Variants in POLR2D observed in about 807,000 individuals in gnomAD.
The protein encoded by POLR2D is DNA-directed RNA polymerase II subunit RPB4.
A neutral mutation model predicts 17.6 loss-of-function variants in POLR2D; 10 were observed. That is an observed-to-expected ratio of 0.57 (90% confidence interval 0.35 to 0.96). POLR2D has a LOEUF of 0.96. Ranked by LOEUF, POLR2D falls within the 40% of genes least tolerant of loss-of-function variation. The probability of loss-of-function intolerance (pLI) is 0.02; values close to 1 mark genes in which losing one functional copy is unlikely to be tolerated. For missense variants in POLR2D, 126 were observed against 176.4 expected, an observed-to-expected ratio of 0.71 and a Z score of 1.62; for synonymous variants, 52 against 60.2, an observed-to-expected ratio of 0.86 and a Z score of 0.63.
rs901452577 is a variant in POLR2D at position 127,843,758 on chromosome 2, G to C, written c.*4349C>G. 1 of 153,484 alleles carries C rather than the reference G, an allele frequency of 6.5e-6. No individual in the cohort carries two copies. Among genetic ancestry groups the C allele is most frequent in the African/African-American group, 2.4e-5 (1 of 41,362 alleles). The allele number at this position is 153,484 out of a possible 1,614,324, so 9.5% of individuals were successfully genotyped here. ...TGTAGTATTAAGAGGTGGGGTCTTT[G>C]GCAGGTGATTAAGTCATGAGAGAAT... On this transcript the variant is annotated 3_prime_UTR_variant, in exon 4 of 4. Transcript: ENST00000272645.
chr2:127,853,110 T>C lies in POLR2D; in HGVS notation c.74-5A>G, dbSNP rs1401321044. On this transcript the variant is annotated splice_region_variant and splice_polypyrimidine_tract_variant and intron_variant, in intron 1 of 3. Transcript: ENST00000272645. ...GTGTCTCAGCTGTTTCAAACTCTAT[T>C]TGTAAGAAGCATAAATGGCAGCTGA... 1 of 1,604,808 alleles carries C rather than the reference T, an allele frequency of 6.2e-7. No homozygotes were observed. The highest frequency in any genetic ancestry group is 8.5e-7 in the Non-Finnish European group (1 of 1,175,976).
Position 127,846,050 on chromosome 2 carries a change from A to C in POLR2D, c.*2057T>G, listed in dbSNP as rs1477377920. ...TGGGAGGATCACTTGAGGTCAGTTC[A>C]AGACTAGCCTGGCGAACGTGGTGAA... On this transcript the variant is annotated 3_prime_UTR_variant, in exon 4 of 4. Coordinates refer to ENST00000272645, the MANE Select transcript of POLR2D (RefSeq NM_004805.4). The C allele has an allele frequency of 6.6e-6, 1 of 152,256 alleles. No homozygotes were observed. The highest frequency in any genetic ancestry group is 1.9e-4 in the East Asian group (1 of 5,168). The allele number at this position is 152,256 out of a possible 1,614,324, so 9.4% of individuals were successfully genotyped here.
intron 1 of POLR2D, chr2:127,857,764 A>G: frequency 8.0e-7 from 1 of 1,255,988 alleles, no homozygotes; most frequent in Non-Finnish European, 1.0e-6. Context: ...ATCTGTCCTT[A>G]CCACCTGAGT....
chr2:127,848,156 A>G lies in POLR2D; in HGVS notation c.380T>C (p.Leu127Pro). ...CTGGATATCATCAAGAATCTGCTGC[A>G]GCTCCTCATCTTCAAACCGTCCCTC... Reference protein sequence around the residue: ...SLEGRFEDEELQQILDDIQTK... With the variant: ...SLEGRFEDEEPQQILDDIQTK... Residue 127 changes from leucine (L) to proline (P), a missense_variant, in exon 4 of 4, where the codon CTG (leucine) becomes CCG (proline). By Grantham distance (98) the Leu-to-Pro change is moderately conservative (BLOSUM62 -3). This residue lies in a region of POLR2D where 85 missense variants were observed against 151.4 expected (regional missense o/e 0.56). Coordinates refer to ENST00000272645, the MANE Select transcript of POLR2D (RefSeq NM_004805.4). 1 of 1,612,684 alleles carries G rather than the reference A, an allele frequency of 6.2e-7. No homozygotes were observed. Among genetic ancestry groups the G allele is most frequent in the Non-Finnish European group, 8.5e-7 (1 of 1,178,950 alleles).
chr2:127,855,622 T>C (rs1229283948), intron 1 of POLR2D, among the ~76,000 whole-genome samples: 1 of 152,156 alleles, frequency 6.6e-6, no homozygotes, highest in African/African-American at 2.4e-5. Flanking sequence ...AGGAAAGTGG[T>C]GTCTGAGACC....
intron 3 of POLR2D, among the ~76,000 whole-genome samples, chr2:127,849,106 G>A (rs750429803): frequency 2.0e-5 from 3 of 151,816 alleles, no homozygotes; most frequent in Admixed American, 1.3e-4. Flanking sequence ...GTGCAGTGGC[G>A]CAATCTCGGC....
At chr2:127,857,947 C>A in intron 1 of POLR2D, 81 bp downstream of exon 1, 1 of 1,530,586 alleles carries the variant, frequency 6.5e-7, no homozygotes, top group Non-Finnish European at 8.8e-7. Flanking sequence ...GAGGCAGGGC[C>A]TTGGGCGAAG....
chr2:127,855,071 C>T (rs1319961143), intron 1 of POLR2D, among the ~76,000 whole-genome samples: 1 of 150,636 alleles, frequency 6.6e-6, no homozygotes, highest in Non-Finnish European at 1.5e-5. Context: ...AACTTTGATG[C>T]TTTTACAGGT....
At chr2:127,848,851 G>A (rs969030357) in intron 3 of POLR2D, among the ~76,000 whole-genome samples, 2 of 151,692 alleles carry the variant, frequency 1.3e-5, no homozygotes, top group Non-Finnish European at 1.5e-5. Context: ...TAGTAGAGAC[G>A]GGGTTTCACC....
intron 3 of POLR2D, 30 bp from the exon 4 acceptor site, chr2:127,848,215 T>G: frequency 7.4e-6 from 11 of 1,490,912 alleles, no homozygotes; most frequent in Non-Finnish European, 1.0e-5. Flanking sequence ...AATGAGTGAT[T>G]TGGCGACTGG....
At chr2:127,850,569 C>T in intron 3 of POLR2D, 21 bp downstream of exon 3, 1 of 1,098,212 alleles carries the variant, frequency 9.1e-7, no homozygotes, top group Non-Finnish European at 1.4e-6. Context: ...ATACAGAGAA[C>T]TTATCACAAC....
In POLR2D at chr2:127,848,208, G is replaced by C. The variant is rs750421993; in HGVS notation, c.351-23C>G. ...AAGCTACAAGAAAATGAAAAGAAAT[G>C]AGTGATTTGGCGACTGGCAATTTCC... On this transcript the variant is annotated intron_variant, in intron 3 of 3. Coordinates refer to ENST00000272645, the MANE Select transcript of POLR2D (RefSeq NM_004805.4). 5 of 1,553,488 alleles carry C rather than the reference G, an allele frequency of 3.2e-6. No homozygotes were observed. In the East Asian group the frequency reaches 1.1e-4, roughly 35 times the overall value.
intron 3 of POLR2D, among the ~76,000 whole-genome samples, chr2:127,848,673 C>T (rs1209617495): frequency 1.3e-5 from 2 of 152,218 alleles, no homozygotes; most frequent in South Asian, 2.1e-4. Context: ...CCCGCCACCA[C>T]GCCCAGCTAA....
intron 2 of POLR2D, among the ~76,000 whole-genome samples, chr2:127,851,794 C>A (rs1690256503): frequency 6.6e-6 from 1 of 151,880 alleles, no homozygotes; most frequent in Non-Finnish European, 1.5e-5. Context: ...AATTCGAGGA[C>A]TTTGTTTTTT....
intron 1 of POLR2D, among the ~76,000 whole-genome samples, chr2:127,853,676 G>A (rs1043982748): frequency 6.6e-6 from 1 of 151,702 alleles, no homozygotes; most frequent in African/African-American, 2.4e-5. Flanking sequence ...TCCCCATCTC[G>A]GCCTCCCAGG....
Position 127,853,000 on chromosome 2 carries a change from AC to A in POLR2D, c.178del (p.Val60SerfsTer3). On this transcript the variant is annotated frameshift_variant, in exon 2 of 4. Coordinates refer to ENST00000272645, the MANE Select transcript of POLR2D (RefSeq NM_004805.4). LOFTEE classifies it high-confidence loss of function. The surrounding 1 kb of genome is among the most constrained non-coding windows in gnomAD (Gnocchi z 4.0). ...TGTGTAGTTTAATGTTTTCATGAAG[AC>A]TTCTGAGAGCTCCTGTTCGTCCTCT... ...SAEDEQELSE[V>X]FMKTLNYTAR... The A allele has an allele frequency of 1.2e-6, 2 of 1,613,760 alleles. No individual in the cohort carries two copies. The highest frequency in any genetic ancestry group is 1.7e-6 in the Non-Finnish European group (2 of 1,179,674).
chr2:127,851,247 A>C (rs1171251307), intron 2 of POLR2D, among the ~76,000 whole-genome samples: 1 of 151,868 alleles, frequency 6.6e-6, no homozygotes, highest in Non-Finnish European at 1.5e-5. Context: ...AAACAAAACC[A>C]AAAAAACAAA....
rs1441884995 is a variant in POLR2D at position 127,852,417 on chromosome 2, A to AT, written c.254+507dup. Among the ~76,000 whole-genome samples the AT allele has an allele frequency of 6.6e-6, 1 of 151,324 alleles. No individual in the cohort carries two copies. The highest frequency in any genetic ancestry group is 2.4e-5 in the African/African-American group (1 of 41,164). On this transcript the variant is annotated intron_variant, in intron 2 of 3. Coordinates refer to ENST00000272645, the MANE Select transcript of POLR2D (RefSeq NM_004805.4). This position sits in a 1 kb window ranked among gnomAD's most constrained non-coding sequence, Gnocchi z 4.0. ...GCCACCACACCTGGCTAATTTCTGT[A>AT]TTTTTTTTGTAGGGACACGAGTTTC...
intron 2 of POLR2D, among the ~76,000 whole-genome samples, chr2:127,851,108 C>T (rs997171512): frequency 1.3e-5 from 2 of 152,054 alleles, no homozygotes; most frequent in Non-Finnish European, 2.9e-5. Flanking sequence ...CCCAGCTACT[C>T]GGGAGGCTGA....
Sources: allele counts gnomAD v4.1 joint callset (sites outside exome capture counted in the v4.1 genomes callset), GRCh38; gene constraint gnomAD v4.1.1; regional missense constraint gnomAD v4.1.1; non-coding constraint Gnocchi (gnomAD v3.1); transcripts MANE v1.5; gene names NCBI Gene and HGNC (gene_info 2026-07-23, HGNC 2026-07-21).